Variants in ZNF536 observed in about 807,000 individuals in gnomAD.
ZNF536 encodes zinc finger protein 536.
ZNF536 carries 13 observed loss-of-function variants against 84.5 expected under a neutral mutation model. That is an observed-to-expected ratio of 0.15 (90% confidence interval 0.10 to 0.24). ZNF536 has a LOEUF of 0.24. Among genes scored for constraint, ZNF536 ranks in the 10% least tolerant of loss-of-function variants. The probability of loss-of-function intolerance (pLI) is 1.00; values close to 1 mark genes in which losing one functional copy is unlikely to be tolerated. For synonymous variants in ZNF536, 811 were observed against 742.5 expected (o/e 1.09, Z -1.50); for missense variants, 1,536 against 1,747.5 (o/e 0.88, Z 2.16).
chr19:30,415,306 C>CT, intron 1 of ZNF536, among the ~76,000 whole-genome samples: 4 of 137,402 alleles, frequency 2.9e-5, no homozygotes, highest in African/African-American at 5.4e-5. Context: ...TCTTCTTCTT[C>CT]TCCTTCTCCT....
chr19:30,415,284 C>CCTCCTTCTTCTTCTTCTT lies in ZNF536; in HGVS notation c.-2-28275_-2-28274insCCTTCTTCTTCTTCTTCT, dbSNP rs1555750650. ...TTCTCCTCCTCCTGCTCCTCCTCCT[C>CCTCCTTCTTCTTCTTCTT]CTTCTTCTTCTTCTTCTTCTTCTCC... On this transcript the variant is annotated intron_variant, in intron 1 of 4. Transcript: ENST00000355537. Among the ~76,000 whole-genome samples, 948 of 120,102 alleles carry CCTCCTTCTTCTTCTTCTT rather than the reference C, an allele frequency of 7.9e-3. 7 individuals carry two copies. Among genetic ancestry groups the CCTCCTTCTTCTTCTTCTT allele is most frequent in the Non-Finnish European group, 0.012 (696 of 59,076 alleles). The allele number at this position is 120,102 out of a possible 152,430, so 78.8% of individuals were successfully genotyped here. A position where few individuals can be genotyped will look rare whatever the true frequency, so the allele number is the denominator to read the frequency against.
chr19:30,347,770 A>T (rs1463823219), intron 2 of ZNF536, among the ~76,000 whole-genome samples: 1 of 152,184 alleles, frequency 6.6e-6, no homozygotes, highest in African/African-American at 2.4e-5. Context: ...AGAAATAGGA[A>T]TATTCCTATC....
intron 3 of ZNF536, among the ~76,000 whole-genome samples, chr19:30,359,953 A>G (rs2048221027): frequency 1.3e-5 from 2 of 152,152 alleles, no homozygotes; most frequent in African/African-American, 4.8e-5. Flanking sequence ...TGAGTGAGAG[A>G]AAGTGTCAGG....
Position 30,381,472 on chromosome 19 carries a change from G to C in ZNF536, c.-3+8916G>C, listed in dbSNP as rs781251715. Among the ~76,000 whole-genome samples the C allele has an allele frequency of 1.5e-4, 23 of 152,182 alleles. 1 individual carries two copies. Among genetic ancestry groups the C allele is most frequent in the Non-Finnish European group, 3.1e-4 (21 of 68,026 alleles). ...TGGGAGGCCTCTCTAAGGAAGTGAC[G>C]CTTGATCTGGGACTGGCATGGGAAG... On this transcript the variant is annotated intron_variant, in intron 1 of 4. Coordinates refer to ENST00000355537, the MANE Select transcript of ZNF536 (RefSeq NM_014717.3).
intron 1 of ZNF536, among the ~76,000 whole-genome samples, chr19:30,697,297 TGG>T (rs892756407): frequency 2.6e-5 from 4 of 152,168 alleles, no homozygotes; most frequent in African/African-American, 9.7e-5. Flanking sequence ...GAGATTTGGA[TGG>T]GGACACAGAG....
At chr19:30,640,333 G>A (rs2049225165) in intron 1 of ZNF536, among the ~76,000 whole-genome samples, 1 of 152,098 alleles carries the variant, frequency 6.6e-6, no homozygotes, top group African/African-American at 2.4e-5. Context: ...TGCTCAATAA[G>A]ACAGTTGATT....
rs1237768924 is a variant in ZNF536, at chr19:30,548,814, C to T, written c.3195C>T (p.Leu1065=). The change falls in exon 4 of 5, where the codon CTC becomes CTT. Residue 1065 remains leucine (L), a synonymous_variant. Coordinates refer to ENST00000355537, the MANE Select transcript of ZNF536 (RefSeq NM_014717.3). ...TACAATCAAACAAAGACCTGGGCCT[C>T]TCCAATATGATCAGCTCTCTAGACT... ...PSLQSNKDLG[L]SNMISSLDSA... 6.2e-7 allele frequency: 1 copy of T among 1,613,930 alleles called. No individual in the cohort carries two copies. Among genetic ancestry groups the T allele is most frequent in the African/African-American group, 1.3e-5 (1 of 74,938 alleles).
intron 3 of ZNF536, among the ~76,000 whole-genome samples, chr19:30,541,712 G>C (rs540915396): frequency 1.3e-5 from 2 of 152,264 alleles, no homozygotes; most frequent in Non-Finnish European, 2.9e-5. Context: ...TATACAGTAG[G>C]GCATGGCTAA....
chr19:30,489,995 C>T (rs1335738559), intron 2 of ZNF536, among the ~76,000 whole-genome samples: 1 of 152,200 alleles, frequency 6.6e-6, no homozygotes, highest in Admixed American at 6.5e-5. Flanking sequence ...TGAGTCCTAC[C>T]AGGGCCAAGC....
At chr19:30,441,389 C>A (rs1449665773) in intron 1 of ZNF536, among the ~76,000 whole-genome samples, 2 of 152,244 alleles carry the variant, frequency 1.3e-5, no homozygotes, top group African/African-American at 4.8e-5. Context: ...GGGTGCCAGA[C>A]AGGGCCCTGG....
At chr19:30,260,100 C>T (rs1599926902) in intron 1 of ZNF536, among the ~76,000 whole-genome samples, 1 of 152,090 alleles carries the variant, frequency 6.6e-6, no homozygotes, top group African/African-American at 2.4e-5. Flanking sequence ...TCTAAGAGAT[C>T]ATTTATTGGG....
chr19:30,246,353 T>A (rs1321557398), intron 1 of ZNF536, among the ~76,000 whole-genome samples: 1 of 152,150 alleles, frequency 6.6e-6, no homozygotes, highest in Non-Finnish European at 1.5e-5. Flanking sequence ...ACGGTAGGAA[T>A]CAGAGAGGGA....
intron 2 of ZNF536, among the ~76,000 whole-genome samples, chr19:30,481,989 G>A (rs1455250398): frequency 2.0e-5 from 3 of 152,174 alleles, no homozygotes; most frequent in Non-Finnish European, 4.4e-5. Flanking sequence ...TGTTGCAAAA[G>A]ACATTTGTTC....
chr19:30,675,034 A>G (rs552490165), intron 1 of ZNF536, among the ~76,000 whole-genome samples: 5 of 152,230 alleles, frequency 3.3e-5, no homozygotes, highest in African/African-American at 1.2e-4. Flanking sequence ...CTCCCAAGAG[A>G]CACAGATAAC....
intron 1 of ZNF536, among the ~76,000 whole-genome samples, chr19:30,380,082 G>T (rs1342427170): frequency 6.6e-6 from 1 of 152,202 alleles, no homozygotes; most frequent in African/African-American, 2.4e-5. Context: ...CCTGCACAGA[G>T]CAGCTCCAGC....
chr19:30,605,216 G>A (rs1171016962), intron 1 of ZNF536, among the ~76,000 whole-genome samples: 1 of 152,032 alleles, frequency 6.6e-6, no homozygotes, highest in Non-Finnish European at 1.5e-5. Flanking sequence ...TTTGGGGGGT[G>A]CAGATGGTTT....
chr19:30,240,174 G>A (rs1731334642), intron 1 of ZNF536, among the ~76,000 whole-genome samples: 1 of 152,032 alleles, frequency 6.6e-6, no homozygotes, highest in African/African-American at 2.4e-5. Flanking sequence ...ATCGACACCA[G>A]CCTGGCCAAC....
At chr19:30,370,514 C>G (rs1259685737), upstream of ZNF536, among the ~76,000 whole-genome samples, 1 of 152,080 alleles carries the variant, frequency 6.6e-6, no homozygotes, top group African/African-American at 2.4e-5. Context: ...TTTGAGGAAA[C>G]CTGTATTTTA....
chr19:30,425,158 TG>T (rs1371026139), intron 1 of ZNF536, among the ~76,000 whole-genome samples: 2 of 151,942 alleles, frequency 1.3e-5, no homozygotes, highest in South Asian at 4.2e-4. Context: ...GTTCTGGTGA[TG>T]GGTGCACCAA....
Sources: gnomAD v4.1 joint callset for allele counts (sites outside exome capture counted in the v4.1 genomes callset) on GRCh38, gnomAD v4.1.1 for gene constraint, MANE v1.5 for transcripts, NCBI Gene and HGNC (gene_info 2026-07-23, HGNC 2026-07-21) for gene names.